The following CFAP70 variants were observed in gnomAD, a reference collection of about 807,000 sequenced individuals.
CFAP70 encodes the protein cilia and flagella associated protein 70.
CFAP70 carries 81 observed loss-of-function variants against 137.6 expected under a neutral mutation model. The ratio of observed to expected loss-of-function variants is 0.59; its 90% CI spans 0.49 to 0.71. The LOEUF (loss-of-function observed/expected upper bound fraction) is 0.71. Ranked by LOEUF, CFAP70 falls within the 30% of genes least tolerant of loss-of-function variation. The probability of loss-of-function intolerance (pLI) is 0.00; values close to 1 mark genes in which losing one functional copy is unlikely to be tolerated. For synonymous variants in CFAP70, 382 were observed against 423.6 expected, an observed-to-expected ratio of 0.90 and a Z score of 1.20; for missense variants, 976 against 1,226.7, an observed-to-expected ratio of 0.80 and a Z score of 3.05.
intron 19 of CFAP70, among the ~76,000 whole-genome samples, chr10:73,280,654 G>A (rs1291072098): frequency 6.6e-6 from 1 of 152,106 alleles, no homozygotes; most frequent in Admixed American, 6.5e-5. Context: ...GTTAGTTTAT[G>A]TCTGTCAAGG....
chr10:73,264,872 C>T (rs547562673), intron 25 of CFAP70, among the ~76,000 whole-genome samples: 21 of 152,230 alleles, frequency 1.4e-4, no homozygotes, highest in African/African-American at 4.8e-4. Context: ...AAAAAATATA[C>T]GAAACATTAG....
At chr10:73,298,558 C>T (rs7078329) in intron 14 of CFAP70, among the ~76,000 whole-genome samples, 23,291 of 151,952 alleles carry the variant, frequency 0.15, 2,916 homozygotes, top group African/African-American at 0.32. Flanking sequence ...AAAATTAATT[C>T]TTTTAGAGAG....
In CFAP70 at chr10:73,312,021, T is replaced by TA; in HGVS notation, c.1084-108dup. 4 of 830,592 alleles carry TA rather than the reference T, an allele frequency of 4.8e-6. No individual in the cohort carries two copies. The South Asian group carries it at 6.1e-5, about 13-fold the overall frequency. 51.5% of individuals were successfully genotyped at this position (830,592 alleles called of 1,614,324 possible). On this transcript the variant is annotated intron_variant, in intron 10 of 26. Transcript: ENST00000310715. ...TCAAAATGCAAACTAACTGCAGCCA[T>TA]AAAAAAGAATGAGTTTGTGTCCTTT...
chr10:73,338,364 G>C (rs951706286), intron 6 of CFAP70, among the ~76,000 whole-genome samples: 6 of 151,212 alleles, frequency 4.0e-5, no homozygotes, highest in African/African-American at 1.5e-4. Context: ...GGTCTCAAGT[G>C]ATCTGCCCGC....
intron 8 of CFAP70, among the ~76,000 whole-genome samples, chr10:73,329,397 G>A (rs944724215): frequency 2.0e-5 from 3 of 152,056 alleles, no homozygotes; most frequent in African/African-American, 4.8e-5. Context: ...GCTAAATGAC[G>A]AGTTAATGGG....
chr10:73,263,639 A>T (rs944095943), intron 25 of CFAP70, among the ~76,000 whole-genome samples: 1 of 152,232 alleles, frequency 6.6e-6, no homozygotes, highest in African/African-American at 2.4e-5. Flanking sequence ...CATATCAGGA[A>T]GCACAAGCTG....
At chr10:73,347,603 T>A (rs1236965246) in intron 4 of CFAP70, among the ~76,000 whole-genome samples, 2 of 152,118 alleles carry the variant, frequency 1.3e-5, no homozygotes, top group African/African-American at 4.8e-5. Context: ...AAAACTAAGA[T>A]AAAAGGAAGA....
At chr10:73,358,401 A>G (rs574202095) in intron 1 of CFAP70, among the ~76,000 whole-genome samples, 1 of 152,312 alleles carries the variant, frequency 6.6e-6, no homozygotes, top group South Asian at 2.1e-4. Context: ...AGTGAGAAAA[A>G]GGTTAGACGA....
Position 73,344,872 on chromosome 10 carries a change from A to G in CFAP70, c.399+193T>C, listed in dbSNP as rs1427818613. On this transcript the variant is annotated intron_variant, in intron 5 of 26. Coordinates refer to ENST00000310715, the Ensembl canonical transcript of CFAP70. Reference sequence around the variant, plus strand: ...TTATATAAATTATATTTAATGCATAATATATAATATGTAAATTATAAACAT... The same window carrying G: ...TTATATAAATTATATTTAATGCATAGTATATAATATGTAAATTATAAACAT... Among the ~76,000 whole-genome samples, 3 of 152,020 alleles carry G rather than the reference A, an allele frequency of 2.0e-5. No individual in the cohort carries two copies. In the East Asian group the frequency reaches 5.8e-4, roughly 29 times the overall value.
exon 19 of CFAP70, chr10:73,291,367 G>C: frequency 6.2e-7 from 1 of 1,614,128 alleles, no homozygotes; most frequent in Non-Finnish European, 8.5e-7. Flanking sequence ...TGAAGCATCC[G>C]TGCCTGAAGC....
intron 19 of CFAP70, among the ~76,000 whole-genome samples, chr10:73,279,383 G>A (rs1280988056): frequency 6.6e-6 from 1 of 151,664 alleles, no homozygotes; most frequent in East Asian, 1.9e-4. Context: ...AATTAGCCGG[G>A]CCTGGTGGCG....
chr10:73,314,904 C>T (rs1418455102), intron 9 of CFAP70, among the ~76,000 whole-genome samples: 1 of 151,686 alleles, frequency 6.6e-6, no homozygotes, highest in Non-Finnish European at 1.5e-5. Context: ...CACACCTGGC[C>T]CAAGTTCACT....
intron 4 of CFAP70, 51 bp from the exon 6 acceptor site, chr10:73,345,295 C>T (rs1241932535): frequency 1.3e-6 from 2 of 1,507,934 alleles, no homozygotes; most frequent in Non-Finnish European, 1.8e-6. Context: ...AGAGATCTTC[C>T]TTTTTTGCAT....
exon 3 of CFAP70, chr10:73,353,725 A>G (rs755357976): frequency 6.2e-7 from 1 of 1,614,154 alleles, no homozygotes; most frequent in Non-Finnish European, 8.5e-7. Context: ...TAACTGGAGT[A>G]TCTCCTTTAA....
chr10:73,301,002 A>G (rs946605236), intron 12 of CFAP70, among the ~76,000 whole-genome samples: 2 of 152,258 alleles, frequency 1.3e-5, no homozygotes, highest in African/African-American at 4.8e-5. Context: ...AAAGAAAGAC[A>G]ATAAATAAGA....
chr10:73,280,069 G>A lies in CFAP70; in HGVS notation c.2240-1732C>T, dbSNP rs184732692. ...CAATCTTTTTAATTTTAGCTATCCCGGTGATAAATTACACTGATTTTCAAA... is the reference window on the plus strand; with the variant it reads ...CAATCTTTTTAATTTTAGCTATCCCAGTGATAAATTACACTGATTTTCAAA... On this transcript the variant is annotated intron_variant, in intron 19 of 26. Transcript: ENST00000310715. Among the ~76,000 whole-genome samples, 18 of 152,040 alleles carry A rather than the reference G, an allele frequency of 1.2e-4. No individual in the cohort carries two copies. In the East Asian group the frequency reaches 3.1e-3, roughly 26 times the overall value.
chr10:73,307,186 T>A (rs1269671370), intron 12 of CFAP70, among the ~76,000 whole-genome samples: 1 of 151,836 alleles, frequency 6.6e-6, no homozygotes, highest in South Asian at 2.1e-4. Flanking sequence ...TCCAAGTTAA[T>A]TACTAAGACA....
rs748892821 is a variant in CFAP70 at position 73,275,398 on chromosome 10, A to T, written c.2673+48T>A. The T allele has an allele frequency of 2.0e-6, 3 of 1,532,172 alleles. No individual in the cohort carries two copies. In the Admixed American group the frequency reaches 6.5e-5, roughly 33 times the overall value. 94.9% of individuals were successfully genotyped at this position (1,532,172 alleles called of 1,614,324 possible). A position where few individuals can be genotyped will look rare whatever the true frequency, so the allele number is the denominator to read the frequency against. ...GTGTGATATGGCATCACCACCTTTA[A>T]ATAAAGCCCCTTCTCCAGACTCAAG... On this transcript the variant is annotated intron_variant, in intron 22 of 26. Transcript: ENST00000310715. The surrounding 1 kb of genome is among the most constrained non-coding windows in gnomAD (Gnocchi z 4.0).
intron 9 of CFAP70, 74 bp from the exon 11 acceptor site, chr10:73,312,717 T>A (rs2050015831): frequency 3.7e-6 from 5 of 1,340,880 alleles, no homozygotes; most frequent in Non-Finnish European, 5.0e-6. Context: ...TTATTTTTTT[T>A]TACCATTTAG....
Sources: allele counts gnomAD v4.1 joint callset (sites outside exome capture counted in the v4.1 genomes callset), GRCh38; gene constraint gnomAD v4.1.1; non-coding constraint Gnocchi (gnomAD v3.1); transcripts MANE v1.5; gene names NCBI Gene and HGNC (gene_info 2026-07-23, HGNC 2026-07-21).